TSC2: variants seen among roughly 807,000 people sequenced by gnomAD.
TSC2 encodes the protein TSC complex subunit 2.
Under a neutral mutation model 202.2 loss-of-function variants are expected in TSC2, and 29 were observed. The observed-to-expected ratio is 0.14, with a 90% CI of 0.11 to 0.20. TSC2 has a LOEUF of 0.20. Ranked by LOEUF, TSC2 falls within the 10% of genes least tolerant of loss-of-function variation. TSC2 has a pLI of 1.00. For synonymous variants in TSC2, 1,349 were observed against 1,044.0 expected (o/e 1.29, Z -5.63); for missense variants, 2,429 against 2,420.0 (o/e 1.00, Z -0.08).
At position 2,062,546 on chromosome 16, in the gene TSC2, C is replaced by T. The variant is rs796053485; in HGVS notation, c.1307C>T (p.Pro436Leu). 6.2e-6 allele frequency: 10 copies of T among 1,612,222 alleles called. No individual in the cohort carries two copies. The East Asian group carries it at 6.7e-5, about 11-fold the overall frequency. The part of the protein sequence containing the change: ...LISYRAQSIH[P>L]AKDGWIQNLQ... ...TCCTATAGAGCGCAGTCCATCCACC[C>T]GGCCAAGGACGGCTGGATTCAGAAC... is the stretch of plus-strand genomic sequence containing the variant. Residue 436 changes from proline to leucine, a missense_variant, in exon 13 of 42, where the codon CCG (proline) becomes CTG (leucine). Pro to Leu is a moderately conservative substitution (Grantham distance 98). Transcript: ENST00000219476.
chr16:2,079,092 C>A lies in TSC2; in HGVS notation c.3027C>A (p.Ala1009=), dbSNP rs1320888448. The A allele has an allele frequency of 6.2e-7, 1 of 1,612,906 alleles. No homozygotes were observed. Among genetic ancestry groups the A allele is most frequent in the Non-Finnish European group, 8.5e-7 (1 of 1,180,034 alleles). Reference sequence around the variant, plus strand: ...GGTCTGCAGATGAGAACTCCGTGGCCCAGGCTGACGATAGCCTGAAAAACC... The same window carrying A: ...GGTCTGCAGATGAGAACTCCGTGGCACAGGCTGACGATAGCCTGAAAAACC... The part of the protein sequence containing the change: ...SLGSADENSV[A]QADDSLKNLH... Residue 1009 remains alanine (A), a synonymous_variant, in exon 27 of 42, where the codon GCC becomes GCA. Coordinates refer to ENST00000219476, the MANE Select transcript of TSC2 (RefSeq NM_000548.5). The surrounding 1 kb of genome is among the most constrained non-coding windows in gnomAD (Gnocchi z 4.6).
At position 2,088,732 on chromosome 16, in the gene TSC2, G is replaced by A. The variant is rs2091246429; in HGVS notation, c.*122G>A. The A allele has an allele frequency of 1.1e-5, 15 of 1,353,734 alleles. No homozygotes were observed. Among genetic ancestry groups the A allele is most frequent in the Admixed American group, 4.3e-5 (2 of 46,006 alleles). 83.9% of individuals were successfully genotyped at this position (1,353,734 alleles called of 1,614,324 possible). On this transcript the variant is annotated 3_prime_UTR_variant, in exon 42 of 42. Transcript: ENST00000219476. ...ATTGCAGTCAGACAGCTCTTTTATT[G>A]ACTTTGTCTGCTTGGTGCGGGGGTT...
intron 36 of TSC2, 66 bp from the exon 37 acceptor site, chr16:2,086,121 GCACCCC>G: frequency 1.3e-6 from 2 of 1,585,352 alleles, no homozygotes; most frequent in Non-Finnish European, 1.7e-6. Context: ...AGCCTGCTGG[GCACCCC>G]CACCCTCTGC....
In TSC2 at chr16:2,077,582, C is replaced by T. The variant is rs778996893; in HGVS notation, c.2838-16C>T. 12 of 1,612,706 alleles carry T rather than the reference C, an allele frequency of 7.4e-6. No homozygotes were observed. Among genetic ancestry groups the T allele is most frequent in the Non-Finnish European group, 1.0e-5 (12 of 1,179,982 alleles). ...TGGGCTCTCTGGGGCGTTGGGGCTCCTTCCTCACCCGATAGTCTGAGGATA... is the reference window on the plus strand; with the variant it reads ...TGGGCTCTCTGGGGCGTTGGGGCTCTTTCCTCACCCGATAGTCTGAGGATA... On this transcript the variant is annotated splice_polypyrimidine_tract_variant and intron_variant, in intron 25 of 41. Transcript: ENST00000219476.
At chr16:2,069,245 T>C (rs2087849118) in intron 16 of TSC2, among the ~76,000 whole-genome samples, 1 of 152,182 alleles carries the variant, frequency 6.6e-6, no homozygotes, top group Admixed American at 6.5e-5. Context: ...CACCTCCACC[T>C]CTTTTTTGTC....
chr16:2,077,781 C>T, intron 26 of TSC2, 55 bp downstream of exon 26: 2 of 1,605,146 alleles, frequency 1.2e-6, no homozygotes, highest in Non-Finnish European at 8.5e-7. Flanking sequence ...CCCGTGAGCA[C>T]CTGGGTGGCA....
rs137854045 is a variant in TSC2, at chr16:2,084,360, C to A, written c.4138C>A (p.Gln1380Lys). 1.2e-6 allele frequency: 2 copies of A among 1,612,648 alleles called. No homozygotes were observed. Among genetic ancestry groups the A allele is most frequent in the Admixed American group, 1.7e-5 (1 of 60,026 alleles). Residue 1380 changes from glutamine (Q) to lysine (K), a missense_variant, in exon 34 of 42, where the codon CAG (glutamine) becomes AAG (lysine). Transcript: ENST00000219476. ...PSVDLSFQPS[Q>K]PLSKSSSSPE... is the part of the protein sequence containing the mutation. ...TGTGGACCTCTCCTTCCAGCCCTCG[C>A]AGCCCCTGAGCAAGTCCAGCTCCTC...
chr16:2,053,530 G>A, intron 4 of TSC2, 78 bp downstream of exon 4: 3 of 1,406,640 alleles, frequency 2.1e-6, no homozygotes, highest in Non-Finnish European at 2.9e-6. Flanking sequence ...GCCGTGTTTG[G>A]ACTCCTGCCT....
At position 2,088,881 on chromosome 16, in the gene TSC2, G is replaced by GCGCACACACACA. The variant is rs142285430; in HGVS notation, c.*272_*273insGCACACACACAC. The GCGCACACACACA allele has an allele frequency of 5.0e-5, 21 of 421,378 alleles. No homozygotes were observed. Among genetic ancestry groups the GCGCACACACACA allele is most frequent in the African/African-American group, 2.9e-4 (13 of 44,578 alleles). The allele number at this position is 421,378 out of a possible 1,614,324, so 26.1% of individuals were successfully genotyped here. A position where few individuals can be genotyped will look rare whatever the true frequency, so the allele number is the denominator to read the frequency against. ...ACAGCACACTCGCGCGTGCGCGCGC[G>GCGCACACACACA]CACACACACACACACACAGTCACCT... is the stretch of plus-strand genomic sequence containing the variant. On this transcript the variant is annotated 3_prime_UTR_variant, in exon 42 of 42. Transcript: ENST00000219476.
At chr16:2,086,112 G>A in intron 36 of TSC2, 81 bp from the exon 37 acceptor site, 2 of 1,557,128 alleles carry the variant, frequency 1.3e-6, no homozygotes, top group East Asian at 2.3e-5. Context: ...TCCCGGCAGA[G>A]CCTGCTGGGC....
At chr16:2,077,382 C>T (rs777408631) in intron 25 of TSC2, 6 of 662,820 alleles carry the variant, frequency 9.1e-6, no homozygotes, top group Non-Finnish European at 1.3e-5. Flanking sequence ...TGTTCTCAGT[C>T]ATGTTTACCA....
Position 2,088,565 on chromosome 16 carries a change from G to A in TSC2, c.5379G>A (p.Arg1793=), listed in dbSNP as rs750392366. 1.2e-6 allele frequency: 2 copies of A among 1,610,316 alleles called. No individual in the cohort carries two copies. Among genetic ancestry groups the A allele is most frequent in the African/African-American group, 1.3e-5 (1 of 74,950 alleles). Residue 1793 remains arginine, a synonymous_variant, in exon 42 of 42, where the codon CGG becomes CGA. Coordinates refer to ENST00000219476, the MANE Select transcript of TSC2 (RefSeq NM_000548.5). ...CACCTGGCTATGAGGTGGGCCAGCG[G>A]AAGCGCCTCATCTCCTCGGTGGAGG... The part of the protein sequence containing the change: ...EPTPGYEVGQ[R]KRLISSVEDF...
At chr16:2,074,442 C>A (rs2088962278) in intron 22 of TSC2, 53 bp downstream of exon 22, 1 of 1,595,948 alleles carries the variant, frequency 6.3e-7, no homozygotes. Flanking sequence ...GCTGTGTAAC[C>A]TGTGCGGGCT....
chr16:2,085,120 C>T (rs1453922719), intron 35 of TSC2, 94 bp downstream of exon 35: 8 of 1,601,592 alleles, frequency 5.0e-6, no homozygotes, highest in South Asian at 2.2e-5. Context: ...CTCAGGCTTG[C>T]AGAGGGCTCT....
At chr16:2,077,116 C>G (rs944030320) in intron 25 of TSC2, among the ~76,000 whole-genome samples, 1 of 152,256 alleles carries the variant, frequency 6.6e-6, no homozygotes, top group African/African-American at 2.4e-5. Context: ...TCTCCAGCCC[C>G]TGGGGGCCGG....
At position 2,088,222 on chromosome 16, in the gene TSC2, C is replaced by G. The variant is rs775534948; in HGVS notation, c.5161-5C>G. On this transcript the variant is annotated splice_region_variant and splice_polypyrimidine_tract_variant and intron_variant, in intron 40 of 41. Coordinates refer to ENST00000219476, the MANE Select transcript of TSC2 (RefSeq NM_000548.5). ...AGTGAGCTCACCCCCTGCCTACGTC[C>G]CCAGATGGCCTCACAGGTGCATCAT... 5 of 1,613,046 alleles carry G rather than the reference C, an allele frequency of 3.1e-6. No individual in the cohort carries two copies. Among genetic ancestry groups the G allele is most frequent in the Non-Finnish European group, 4.2e-6 (5 of 1,179,992 alleles).
intron 11 of TSC2, 21 bp downstream of exon 11, chr16:2,060,834 C>G (rs2151140118): frequency 1.2e-6 from 2 of 1,611,536 alleles, no homozygotes; most frequent in Non-Finnish European, 1.7e-6. Context: ...GGCAGGAGCT[C>G]CGGGGAGCAC....
In TSC2 at chr16:2,075,782, CCT is replaced by C. The variant is rs1309709320; in HGVS notation, c.2546-13_2546-12del. Reference sequence around the variant, plus strand: ...ACGGGACCCCGGCTCCCCTGACCACCCTCTCCATTACCGCAGCTCTGGCCAGG... The same window carrying C: ...ACGGGACCCCGGCTCCCCTGACCACCCTCCATTACCGCAGCTCTGGCCAGG... On this transcript the variant is annotated splice_polypyrimidine_tract_variant and intron_variant, in intron 22 of 41. Coordinates refer to ENST00000219476, the MANE Select transcript of TSC2 (RefSeq NM_000548.5). The C allele has an allele frequency of 6.2e-7, 1 of 1,611,712 alleles. No homozygotes were observed. The highest frequency in any genetic ancestry group is 8.5e-7 in the Non-Finnish European group (1 of 1,179,806).
intron 15 of TSC2, 88 bp downstream of exon 15, chr16:2,064,515 G>A (rs763484777): frequency 1.2e-4 from 196 of 1,592,746 alleles, no homozygotes; most frequent in Non-Finnish European, 1.6e-4. Flanking sequence ...CCTCCTCTTC[G>A]AGTGACCGGA....
Sources: allele counts gnomAD v4.1 joint callset (sites outside exome capture counted in the v4.1 genomes callset), GRCh38; gene constraint gnomAD v4.1.1; non-coding constraint Gnocchi (gnomAD v3.1); transcripts MANE v1.5; gene names NCBI Gene and HGNC (gene_info 2026-07-23, HGNC 2026-07-21).